The following RARS2 variants were observed in gnomAD, a reference collection of about 807,000 sequenced individuals.
RARS2 encodes the protein arginyl-tRNA synthetase 2, mitochondrial.
In RARS2, 67 loss-of-function variants were observed where a neutral mutation model predicts 88.5. The observed-to-expected ratio is 0.76, with a 90% CI of 0.62 to 0.93. The LOEUF is 0.93. Ranked by LOEUF, RARS2 falls within the 40% of genes least tolerant of loss-of-function variation. RARS2 has a pLI of 0.00. For missense variants in RARS2, 664 were observed against 684.2 expected (o/e 0.97, Z 0.33); for synonymous variants, 239 against 230.3 (o/e 1.04, Z -0.34).
At position 87,524,561 on chromosome 6, in the gene RARS2, T is replaced by G; in HGVS notation, c.970A>C (p.Thr324Pro). 1.2e-6 allele frequency: 2 copies of G among 1,606,760 alleles called. No homozygotes were observed. The highest frequency in any genetic ancestry group is 1.7e-6 in the Non-Finnish European group (2 of 1,173,360). The change falls in exon 11 of 20, where the codon ACC becomes CCC. Residue 324 changes from threonine to proline, a missense_variant. Physicochemically the swap from Thr to Pro is conservative, Grantham distance 38. Coordinates refer to ENST00000369536, the MANE Select transcript of RARS2 (RefSeq NM_020320.5). ...MRSDGTSLYA[T>P]RDLAAAIDRM... ...ACCCTCACAGAGGCTACAAACCTGG[T>G]TGCATAGAGAGAAGTCCCATCACTT...
chr6:87,534,520 T>C (rs1019249193), intron 8 of RARS2, among the ~76,000 whole-genome samples: 3 of 152,214 alleles, frequency 2.0e-5, no homozygotes. Flanking sequence ...CACATTTCAA[T>C]GGTGTCAGAT....
chr6:87,563,719 G>A (rs981313603), intron 3 of RARS2, among the ~76,000 whole-genome samples: 2 of 152,148 alleles, frequency 1.3e-5, no homozygotes, highest in African/African-American at 4.8e-5. Flanking sequence ...CCTCTTCTCT[G>A]TAATCATGAT....
At chr6:87,580,752 C>A (rs1773239476) in intron 1 of RARS2, among the ~76,000 whole-genome samples, 1 of 151,912 alleles carries the variant, frequency 6.6e-6, no homozygotes, top group Admixed American at 6.6e-5. Context: ...GCCACTGCAC[C>A]TGGCCTTTTA....
chr6:87,537,768 T>TA (rs1779656278), intron 8 of RARS2, among the ~76,000 whole-genome samples: 1 of 152,222 alleles, frequency 6.6e-6, no homozygotes, highest in Admixed American at 6.5e-5. Flanking sequence ...CAGATTATCT[T>TA]AAAGTTTTCC....
chr6:87,586,847 T>C (rs1001255996), intron 1 of RARS2, among the ~76,000 whole-genome samples: 1 of 152,112 alleles, frequency 6.6e-6, no homozygotes, highest in Admixed American at 6.6e-5. Flanking sequence ...TACTTACCTG[T>C]TGAGCATCCC....
Position 87,529,592 on chromosome 6 carries a change from A to C in RARS2, c.828T>G (p.Ser276=). The change falls in exon 10 of 20, where the codon TCT becomes TCG. Residue 276 remains serine (S), a synonymous_variant. Coordinates refer to ENST00000369536, the MANE Select transcript of RARS2 (RefSeq NM_020320.5). ...TCTCCAGCAACTTTAAGACCTCTTGAGATTTTTCACGATAAAATGATTCTC... is the reference window on the plus strand; with the variant it reads ...TCTCCAGCAACTTTAAGACCTCTTGCGATTTTTCACGATAAAATGATTCTC... ...YSGESFYREK[S]QEVLKLLESK... 6.2e-7 allele frequency: 1 copy of C among 1,610,168 alleles called. No individual in the cohort carries two copies. The highest frequency in any genetic ancestry group is 8.5e-7 in the Non-Finnish European group (1 of 1,176,366).
chr6:87,548,604 AC>A lies in RARS2; in HGVS notation c.437del (p.Arg146LeufsTer5), dbSNP rs761252955. Reference sequence around the variant, plus strand: ...CTAAACACTTACCTATGATGGTAGAACGCAAATGTCCAACATGAAATTTTTT... The same window carrying A: ...CTAAACACTTACCTATGATGGTAGAAGCAAATGTCCAACATGAAATTTTTT... Reference protein sequence around the residue: ...VAKKFHVGHLRSTIIGNFIAN... With the variant: ...VAKKFHVGHLXSTIIGNFIAN... On this transcript the variant is annotated frameshift_variant, in exon 6 of 20. Coordinates refer to ENST00000369536, the MANE Select transcript of RARS2 (RefSeq NM_020320.5). LOFTEE classifies it high-confidence loss of function. 5.6e-6 allele frequency: 9 copies of A among 1,613,100 alleles called. No homozygotes were observed. In the African/African-American group the frequency reaches 1.1e-4, roughly 19 times the overall value.
chr6:87,554,074 C>T (rs147073743), intron 5 of RARS2, among the ~76,000 whole-genome samples: 299 of 152,276 alleles, frequency 2.0e-3, no homozygotes, highest in African/African-American at 7.0e-3. Flanking sequence ...TGAGATAATA[C>T]TTCCCATATC....
At chr6:87,556,391 A>T (rs1295694346) in intron 4 of RARS2, among the ~76,000 whole-genome samples, 1 of 151,942 alleles carries the variant, frequency 6.6e-6, no homozygotes, top group African/African-American at 2.4e-5. Context: ...CTGAAGCCTC[A>T]ATCAGACTCA....
chr6:87,551,975 C>T (rs534568845), intron 5 of RARS2, among the ~76,000 whole-genome samples: 7 of 152,270 alleles, frequency 4.6e-5, no homozygotes, highest in Non-Finnish European at 1.0e-4. Flanking sequence ...CACCATCTAC[C>T]ACGAGGAGTC....
intron 8 of RARS2, among the ~76,000 whole-genome samples, chr6:87,535,496 G>A (rs548378923): frequency 1.5e-4 from 23 of 151,918 alleles, no homozygotes; most frequent in South Asian, 1.5e-3. Context: ...AAACTATTAC[G>A]TAAATTATCT....
At chr6:87,546,594 T>C (rs1173636235) in intron 6 of RARS2, among the ~76,000 whole-genome samples, 1 of 152,196 alleles carries the variant, frequency 6.6e-6, no homozygotes, top group Non-Finnish European at 1.5e-5. Flanking sequence ...GTGCAAGGGA[T>C]TGCAGAAGAG....
intron 1 of RARS2, 93 bp from the exon 2 acceptor site, chr6:87,569,683 CTT>C: frequency 1.0e-6 from 1 of 970,584 alleles, no homozygotes. Flanking sequence ...TATTAATACA[CTT>C]AACACGAATG....
At chr6:87,568,730 CACTT>C (rs1768718190) in intron 2 of RARS2, among the ~76,000 whole-genome samples, 1 of 152,114 alleles carries the variant, frequency 6.6e-6, no homozygotes, top group Non-Finnish European at 1.5e-5. Context: ...CTTTCTTTTC[CACTT>C]ACTTCTTTGT....
chr6:87,587,003 G>A (rs1376661677), intron 1 of RARS2, among the ~76,000 whole-genome samples: 3 of 151,936 alleles, frequency 2.0e-5, no homozygotes, highest in Non-Finnish European at 4.4e-5. Context: ...CCACCTCTCA[G>A]GTTCAAGTGA....
chr6:87,543,884 G>A (rs1290399513), intron 7 of RARS2, among the ~76,000 whole-genome samples: 4 of 152,170 alleles, frequency 2.6e-5, no homozygotes, highest in Non-Finnish European at 5.9e-5. Context: ...TGTGTGGAAA[G>A]ATGCTCAGTG....
chr6:87,560,192 T>C (rs569421249), intron 4 of RARS2, among the ~76,000 whole-genome samples: 3 of 152,374 alleles, frequency 2.0e-5, no homozygotes, highest in East Asian at 1.9e-4. Flanking sequence ...GTCTGTTTTA[T>C]TTAAACCCTT....
intron 10 of RARS2, among the ~76,000 whole-genome samples, chr6:87,528,326 T>C (rs1190725452): frequency 6.6e-6 from 1 of 151,024 alleles, no homozygotes; most frequent in East Asian, 1.9e-4. Flanking sequence ...AATGTTGGTA[T>C]AGCCATTATG....
At chr6:87,540,629 C>G (rs2128103481) in intron 8 of RARS2, among the ~76,000 whole-genome samples, 1 of 152,220 alleles carries the variant, frequency 6.6e-6, no homozygotes, top group African/African-American at 2.4e-5. Context: ...CATGTTTAGT[C>G]TGATCCCCTG....
Sources: gnomAD v4.1 joint callset for allele counts (sites outside exome capture counted in the v4.1 genomes callset) on GRCh38, gnomAD v4.1.1 for gene constraint, MANE v1.5 for transcripts, NCBI Gene and HGNC (gene_info 2026-07-23, HGNC 2026-07-21) for gene names.